Variants in PGAM5 observed in about 807,000 individuals in gnomAD.
PGAM5 encodes serine/threonine-protein phosphatase PGAM5, mitochondrial.
PGAM5 carries 25 observed loss-of-function variants against 30.6 expected under a neutral mutation model. That is an observed-to-expected ratio of 0.82 (90% confidence interval 0.60 to 1.14). The LOEUF (loss-of-function observed/expected upper bound fraction) is 1.14. Ranked by LOEUF, PGAM5 falls within the 50% of genes most tolerant of loss-of-function variation. PGAM5 has a pLI of 0.00. For missense variants in PGAM5, 384 were observed against 408.5 expected, an observed-to-expected ratio of 0.94 and a Z score of 0.52; for synonymous variants, 201 against 179.1, an observed-to-expected ratio of 1.12 and a Z score of -0.98.
rs760636023 is a variant in PGAM5, at chr12:132,719,103, C to T, written c.719+983C>T. The T allele has an allele frequency of 6.5e-4, 902 of 1,379,910 alleles. 1 individual carries two copies. The highest frequency in any genetic ancestry group is 7.5e-4 in the Non-Finnish European group (804 of 1,067,356). The allele number at this position is 1,379,910 out of a possible 1,614,324, so 85.5% of individuals were successfully genotyped here. On this transcript the variant is annotated intron_variant, in intron 5 of 5. Transcript: ENST00000498926. ...CCCTTGGGGGGCAGGGCCAGCTCTA[C>T]GGTTACATGCCTGAAACAGTCAGAA... is the stretch of plus-strand genomic sequence containing the variant.
intron 5 of PGAM5, among the ~76,000 whole-genome samples, chr12:132,719,778 T>G (rs1593122441): frequency 6.6e-6 from 1 of 152,092 alleles, no homozygotes; most frequent in Non-Finnish European, 1.5e-5. Flanking sequence ...AGCGTGAGGG[T>G]GGCCATGCGG....
At chr12:132,720,528 C>T (rs1455984590) in intron 5 of PGAM5, 150 bp from the exon 6 acceptor site, 12 of 716,392 alleles carry the variant, frequency 1.7e-5, no homozygotes, top group Middle Eastern at 3.1e-4. Flanking sequence ...GGGATGGTCT[C>T]GATCTCCTGA....
At chr12:132,713,732 G>GTGCAC (rs1462429233) in intron 1 of PGAM5, among the ~76,000 whole-genome samples, 1 of 151,898 alleles carries the variant, frequency 6.6e-6, no homozygotes, top group African/African-American at 2.4e-5. Context: ...GTGCAGTGCA[G>GTGCAC]TGCAGTGGCA....
chr12:132,714,843 G>C lies in PGAM5; in HGVS notation c.192-15G>C, dbSNP rs1378158950. On this transcript the variant is annotated splice_polypyrimidine_tract_variant and intron_variant, in intron 1 of 5. Coordinates refer to ENST00000498926, the MANE Select transcript of PGAM5 (RefSeq NM_001170543.2). ...AACAGAGGTCTCAAGGACATATCTT[G>C]TATTTCAACATCAGGCGAGAACCAC... is the stretch of plus-strand genomic sequence containing the variant. 1 of 1,612,634 alleles carries C rather than the reference G, an allele frequency of 6.2e-7. No individual in the cohort carries two copies. Among genetic ancestry groups the C allele is most frequent in the Admixed American group, 1.7e-5 (1 of 59,952 alleles).
chr12:132,716,518 C>G (rs558534196), intron 2 of PGAM5, among the ~76,000 whole-genome samples: 2 of 152,130 alleles, frequency 1.3e-5, no homozygotes, highest in Non-Finnish European at 2.9e-5. Flanking sequence ...TGTGAGCCAC[C>G]GCGCCCGGCC....
chr12:132,714,928 A>G lies in PGAM5; in HGVS notation c.262A>G (p.Lys88Glu). The G allele has an allele frequency of 6.2e-7, 1 of 1,613,712 alleles. No individual in the cohort carries two copies. The highest frequency in any genetic ancestry group is 8.5e-7 in the Non-Finnish European group (1 of 1,179,996). Residue 88 changes from lysine to glutamate, a missense_variant, in exon 2 of 6, where the codon AAG (lysine) becomes GAG (glutamate). Lys to Glu is a moderately conservative substitution (Grantham distance 56, BLOSUM62 1). Transcript: ENST00000498926. ...ATCTGGGGAAGAAGAGCTGGCGTCC[A>G]AGCTGGACCACTACAAAGCCAAGGC... ...VESGEEELAS[K>E]LDHYKAKATR...
chr12:132,713,623 A>G (rs1330636684), intron 1 of PGAM5, among the ~76,000 whole-genome samples: 1 of 152,192 alleles, frequency 6.6e-6, no homozygotes, highest in Non-Finnish European at 1.5e-5. Context: ...CTCAGCGAGT[A>G]AATACCAGCA....
intron 1 of PGAM5, chr12:132,711,419 G>A (rs1042334631): frequency 5.7e-6 from 1 of 174,860 alleles, no homozygotes; most frequent in Admixed American, 6.3e-5. Flanking sequence ...CGCGAGCTGC[G>A]TGCGGTTATT....
At chr12:132,717,112 CT>C (rs1430283838) in intron 2 of PGAM5, among the ~76,000 whole-genome samples, 1 of 152,222 alleles carries the variant, frequency 6.6e-6, no homozygotes, top group Admixed American at 6.5e-5. Context: ...GAAACCACCC[CT>C]GGGCCCCACC....
chr12:132,717,611 C>G lies in PGAM5; in HGVS notation c.496+47C>G, dbSNP rs533236205. 17 of 1,602,762 alleles carry G rather than the reference C, an allele frequency of 1.1e-5. No homozygotes were observed. In the East Asian group the frequency reaches 3.6e-4, roughly 34 times the overall value. ...TCCATGCTTGCAGCAGTGGGCGGCT[C>G]GTGGCAGGGCCCCGGCCTGAGCTCC... On this transcript the variant is annotated intron_variant, in intron 3 of 5. Coordinates refer to ENST00000498926, the MANE Select transcript of PGAM5 (RefSeq NM_001170543.2).
intron 2 of PGAM5, 71 bp downstream of exon 2, chr12:132,715,107 T>G: frequency 6.9e-7 from 1 of 1,444,156 alleles, no homozygotes; most frequent in Non-Finnish European, 9.3e-7. Flanking sequence ...GCTGGCGCCT[T>G]GGTTATGTGA....
chr12:132,719,375 C>T (rs1406184703), intron 5 of PGAM5, among the ~76,000 whole-genome samples: 1 of 152,192 alleles, frequency 6.6e-6, no homozygotes, highest in Non-Finnish European at 1.5e-5. Context: ...TCAAGAGCAG[C>T]AGCTCCCAGA....
intron 1 of PGAM5, among the ~76,000 whole-genome samples, chr12:132,711,840 G>A (rs1334108559): frequency 6.6e-6 from 1 of 151,598 alleles, no homozygotes; most frequent in African/African-American, 2.4e-5. Context: ...TGTTGAAATA[G>A]TATTTTTAGC....
At chr12:132,717,155 C>T (rs1432537006) in intron 2 of PGAM5, among the ~76,000 whole-genome samples, 2 of 152,234 alleles carry the variant, frequency 1.3e-5, no homozygotes, top group African/African-American at 4.8e-5. Flanking sequence ...TTGCTTGCTG[C>T]TCCATTGGTG....
intron 4 of PGAM5, 64 bp downstream of exon 4, chr12:132,717,862 G>A (rs1423926576): frequency 6.3e-7 from 1 of 1,590,142 alleles, no homozygotes; most frequent in Non-Finnish European, 8.6e-7. Flanking sequence ...CGGCCCTGCT[G>A]GGCTCACCAT....
rs773284631 is a variant in PGAM5 at position 132,718,151 on chromosome 12, AAAT to A, written c.719+35_719+37del. 6 of 1,610,726 alleles carry A rather than the reference AAAT, an allele frequency of 3.7e-6. No individual in the cohort carries two copies. The African/African-American group carries it at 6.7e-5, about 18-fold the overall frequency. On this transcript the variant is annotated intron_variant, in intron 5 of 5. Transcript: ENST00000498926. ...CAGCTGCTGGGCTGGGCGTGGTCTAAAATAATTTCAGACTTAGAGAAAAGCATG... is the reference window on the plus strand; with the variant it reads ...CAGCTGCTGGGCTGGGCGTGGTCTAAAATTTCAGACTTAGAGAAAAGCATG...
At chr12:132,715,272 C>G (rs559671551) in intron 2 of PGAM5, among the ~76,000 whole-genome samples, 1 of 152,290 alleles carries the variant, frequency 6.6e-6, no homozygotes, top group African/African-American at 2.4e-5. Context: ...ACAAGCTTTT[C>G]AAAATGTCCT....
intron 2 of PGAM5, 41 bp downstream of exon 2, chr12:132,715,077 A>G (rs550253820): frequency 6.6e-7 from 1 of 1,519,146 alleles, no homozygotes; most frequent in East Asian, 2.5e-5. Context: ...CCTCGTGGTT[A>G]TGTGGCCAGG....
chr12:132,719,072 G>C (rs1593121936), intron 5 of PGAM5: 1 of 1,411,696 alleles, frequency 7.1e-7, no homozygotes, highest in East Asian at 2.6e-5. Context: ...AGCCACGTTA[G>C]AGGGCCCCTT....
Sources: gnomAD v4.1 joint callset for allele counts (sites outside exome capture counted in the v4.1 genomes callset) on GRCh38, gnomAD v4.1.1 for gene constraint, MANE v1.5 for transcripts, NCBI Gene and HGNC (gene_info 2026-07-23, HGNC 2026-07-21) for gene names.